GRID2: variants seen among roughly 807,000 people sequenced by gnomAD.
The protein encoded by GRID2 is glutamate ionotropic receptor delta type subunit 2, also known as glutamate receptor ionotropic, delta-2.
GRID2 carries 33 observed loss-of-function variants against 114.8 expected under a neutral mutation model. The observed-to-expected ratio is 0.29, with a 90% CI of 0.22 to 0.38. The LOEUF is 0.38. GRID2 is among the 10% of genes least tolerant of loss of function. The probability of loss-of-function intolerance (pLI) is 1.00; values close to 1 mark genes in which losing one functional copy is unlikely to be tolerated. For synonymous variants in GRID2, 505 were observed against 449.9 expected, an observed-to-expected ratio of 1.12 and a Z score of -1.55; for missense variants, 1,184 against 1,257.7, an observed-to-expected ratio of 0.94 and a Z score of 0.89.
intron 2 of GRID2, among the ~76,000 whole-genome samples, chr4:92,942,276 A>G (rs916723191): frequency 1.4e-5 from 2 of 144,396 alleles, no homozygotes; most frequent in Admixed American, 7.2e-5. Context: ...ATATATATTT[A>G]GGATAGTTAG....
At chr4:93,003,398 A>T (rs556294405) in intron 2 of GRID2, among the ~76,000 whole-genome samples, 1 of 152,072 alleles carries the variant, frequency 6.6e-6, no homozygotes, top group East Asian at 1.9e-4. Context: ...CCTGTCTAAC[A>T]CAAATGGTCC....
intron 2 of GRID2, among the ~76,000 whole-genome samples, chr4:92,838,277 T>TA (rs1311729541): frequency 2.0e-5 from 3 of 152,108 alleles, no homozygotes; most frequent in Non-Finnish European, 1.5e-5. Flanking sequence ...TGAATATCAC[T>TA]ACCATGTGTG....
chr4:93,179,948 A>C (rs917532449), intron 4 of GRID2, among the ~76,000 whole-genome samples: 4 of 152,136 alleles, frequency 2.6e-5, no homozygotes, highest in African/African-American at 9.7e-5. Context: ...AAGAAAGATA[A>C]AATCTGAATT....
At chr4:92,644,359 A>G (rs1731510323) in intron 2 of GRID2, among the ~76,000 whole-genome samples, 1 of 151,818 alleles carries the variant, frequency 6.6e-6, no homozygotes, top group Admixed American at 6.6e-5. Context: ...GTAATAAATT[A>G]AGTCTCACTA....
intron 2 of GRID2, among the ~76,000 whole-genome samples, chr4:92,613,383 T>C (rs1271499791): frequency 6.6e-6 from 1 of 151,508 alleles, no homozygotes; most frequent in African/African-American, 2.4e-5. Context: ...TGTGATATTC[T>C]CTTCTTGTGA....
At chr4:92,940,429 C>G (rs1404631601) in intron 2 of GRID2, among the ~76,000 whole-genome samples, 1 of 150,662 alleles carries the variant, frequency 6.6e-6, no homozygotes, top group Non-Finnish European at 1.5e-5. Context: ...TATCCTGAGA[C>G]TTTGCTGAAG....
chr4:93,178,072 G>GAA (rs34280329), intron 4 of GRID2, among the ~76,000 whole-genome samples: 9,209 of 140,866 alleles, frequency 0.065, 795 homozygotes, highest in African/African-American at 0.2. Context: ...TACTCAACTT[G>GAA]AAAAAAAAAA....
intron 14 of GRID2, among the ~76,000 whole-genome samples, chr4:93,685,939 G>A (rs1172526461): frequency 1.3e-5 from 2 of 152,018 alleles, no homozygotes; most frequent in Non-Finnish European, 2.9e-5. Flanking sequence ...GAGAGAGGCT[G>A]TGAGATACAG....
intron 10 of GRID2, among the ~76,000 whole-genome samples, chr4:93,435,780 C>T (rs1721024218): frequency 6.6e-6 from 1 of 152,158 alleles, no homozygotes; most frequent in African/African-American, 2.4e-5. Context: ...TGATTCCATT[C>T]TCTTAACAAC....
rs529235033 is a variant in GRID2, at chr4:93,322,499, A to G, written c.1246-73108A>G. On this transcript the variant is annotated intron_variant, in intron 8 of 15. Transcript: ENST00000282020. ...CTTTGGTATTGTGAACAGTGCCGCAATAGACATACATGTGCATGTGTGTTT... is the reference window on the plus strand; with the variant it reads ...CTTTGGTATTGTGAACAGTGCCGCAGTAGACATACATGTGCATGTGTGTTT... Among the ~76,000 whole-genome samples, 4 of 152,254 alleles carry G rather than the reference A, an allele frequency of 2.6e-5. No individual in the cohort carries two copies. The East Asian group carries it at 5.8e-4, about 22-fold the overall frequency.
intron 1 of GRID2, among the ~76,000 whole-genome samples, chr4:93,787,026 G>C (rs900643898): frequency 6.6e-6 from 1 of 151,810 alleles, no homozygotes; most frequent in East Asian, 1.9e-4. Context: ...ACAAATCTCA[G>C]TGGCTTGATC....
At chr4:92,832,470 C>T (rs1406881065) in intron 2 of GRID2, among the ~76,000 whole-genome samples, 3 of 151,802 alleles carry the variant, frequency 2.0e-5, no homozygotes, top group Admixed American at 6.6e-5. Flanking sequence ...CTTGGCTCAC[C>T]GCAACCTCCG....
intron 14 of GRID2, among the ~76,000 whole-genome samples, chr4:93,666,998 A>G (rs1362136637): frequency 7.2e-5 from 11 of 152,132 alleles, no homozygotes. Flanking sequence ...CTTTTTATTT[A>G]TCAGTCAGTA....
chr4:93,399,106 G>A (rs575114805), intron 9 of GRID2, among the ~76,000 whole-genome samples: 1 of 151,852 alleles, frequency 6.6e-6, no homozygotes, highest in African/African-American at 2.4e-5. Flanking sequence ...ACTTGATGTT[G>A]TCACCTAAAC....
intron 2 of GRID2, among the ~76,000 whole-genome samples, chr4:92,686,898 ATG>A (rs770532015): frequency 6.6e-6 from 1 of 152,126 alleles, no homozygotes; most frequent in African/African-American, 2.4e-5. Context: ...TTCAAAAAAT[ATG>A]TGTTTCAGCA....
intron 1 of GRID2, among the ~76,000 whole-genome samples, chr4:92,460,967 T>C (rs1317342119): frequency 6.6e-6 from 1 of 151,882 alleles, no homozygotes; most frequent in Non-Finnish European, 1.5e-5. Flanking sequence ...TATATAACGC[T>C]AACCTATTTT....
intron 2 of GRID2, among the ~76,000 whole-genome samples, chr4:93,059,810 T>TAA (rs35372891): frequency 2.8e-5 from 4 of 145,252 alleles, no homozygotes; most frequent in African/African-American, 7.5e-5. Context: ...CAGTGATCTT[T>TAA]AAAAAAAAAA....
chr4:92,516,404 T>G (rs539601904), intron 1 of GRID2, among the ~76,000 whole-genome samples: 1 of 151,988 alleles, frequency 6.6e-6, no homozygotes, highest in East Asian at 2.0e-4. Flanking sequence ...CCACATTTAA[T>G]AGTAGGCAAT....
chr4:93,292,470 G>A (rs1470239777), intron 8 of GRID2, among the ~76,000 whole-genome samples: 1 of 152,162 alleles, frequency 6.6e-6, no homozygotes, highest in Non-Finnish European at 1.5e-5. Context: ...CTGTTATTGA[G>A]GGAAAACATA....
Sources: allele counts gnomAD v4.1 joint callset (sites outside exome capture counted in the v4.1 genomes callset), GRCh38; gene constraint gnomAD v4.1.1; transcripts MANE v1.5; gene names NCBI Gene and HGNC (gene_info 2026-07-23, HGNC 2026-07-21).